The following CA12 variants were observed in gnomAD, a reference collection of about 807,000 sequenced individuals.
The protein encoded by CA12 is carbonic anhydrase 12.
Under a neutral mutation model 46.8 loss-of-function variants are expected in CA12, and 36 were observed. That is an observed-to-expected ratio of 0.77 (90% confidence interval 0.59 to 1.02). The LOEUF (loss-of-function observed/expected upper bound fraction) is 1.02. CA12 is among the 50% of genes least tolerant of loss of function. The probability of loss-of-function intolerance (pLI) is 0.00; values close to 1 mark genes in which losing one functional copy is unlikely to be tolerated. For missense variants in CA12, 436 were observed against 451.4 expected (o/e 0.97, Z 0.31); for synonymous variants, 202 against 187.0 (o/e 1.08, Z -0.65).
chr15:63,355,579 C>G lies in CA12; in HGVS notation c.107-8870G>C, dbSNP rs1348665046. ...AGCGCTGCACTAGACTGTCAGCTCG[C>G]TTTCTGCATGCGTGTACACCTGGCT... On this transcript the variant is annotated intron_variant, in intron 2 of 10. Transcript: ENST00000178638. The surrounding 1 kb of genome is among the most constrained non-coding windows in gnomAD (Gnocchi z 4.1). 6.6e-6 allele frequency among the ~76,000 whole-genome samples: 1 copy of G among 152,246 alleles called. No individual in the cohort carries two copies. The highest frequency in any genetic ancestry group is 1.5e-5 in the Non-Finnish European group (1 of 68,044).
At chr15:63,363,915 C>T (rs1285360180) in intron 2 of CA12, among the ~76,000 whole-genome samples, 2 of 152,174 alleles carry the variant, frequency 1.3e-5, no homozygotes, top group African/African-American at 2.4e-5. Flanking sequence ...TGGCCGGATG[C>T]GGTGGCTCAC....
chr15:63,370,771 T>C (rs2152626319), intron 2 of CA12, among the ~76,000 whole-genome samples: 1 of 145,448 alleles, frequency 6.9e-6, no homozygotes, highest in South Asian at 2.1e-4. Context: ...AGACTCCATC[T>C]CAAAAAAAAA....
At chr15:63,338,707 G>A (rs2039034920) in intron 8 of CA12, 112 bp downstream of exon 8, 2 of 1,424,316 alleles carry the variant, frequency 1.4e-6, no homozygotes, top group East Asian at 4.6e-5. Flanking sequence ...CAGCCAGGGA[G>A]CTCTCAGCCA....
intron 1 of CA12, among the ~76,000 whole-genome samples, chr15:63,376,552 T>TCTTCC (rs2039573080): frequency 6.9e-6 from 1 of 144,762 alleles, no homozygotes; most frequent in Non-Finnish European, 1.5e-5. Context: ...CCACTCTCTT[T>TCTTCC]CTTTCCTTTC....
intron 8 of CA12, among the ~76,000 whole-genome samples, chr15:63,336,543 C>CT (rs71998323): frequency 0.027 from 2,294 of 86,226 alleles, 48 homozygotes; most frequent in Middle Eastern, 0.058. Flanking sequence ...TCCAACCTGG[C>CT]TTTTTTTTTT....
In CA12 at chr15:63,338,862, G is replaced by C; in HGVS notation, c.831C>G (p.Val277=). 4 of 1,614,170 alleles carry C rather than the reference G, an allele frequency of 2.5e-6. No homozygotes were observed. The highest frequency in any genetic ancestry group is 2.2e-5 in the South Asian group (2 of 91,076). ...PREMINNFRQ[V]QKFDERLVYT... The stretch of plus-strand genomic sequence containing the variant: ...ATACCAGCCTCTCATCGAACTTCTG[G>C]ACCTGCCGGAAGTTGTTGATCATTT... The change falls in exon 8 of 11, where the codon GTC becomes GTG. Residue 277 remains valine, a synonymous_variant. Coordinates refer to ENST00000178638, the MANE Select transcript of CA12 (RefSeq NM_001218.5).
rs557603313 is a variant in CA12, at chr15:63,341,129, G to A, written c.526-346C>T. Among the ~76,000 whole-genome samples, 17 of 152,214 alleles carry A rather than the reference G, an allele frequency of 1.1e-4. 1 individual carries two copies. The South Asian group carries it at 3.3e-3, about 30-fold the overall frequency. ...GGAGCTCTGAGTTCACAAAAGCCAC[G>A]TCAGACAAATGAGCATGTTGGGAAA... On this transcript the variant is annotated intron_variant, in intron 5 of 10. Coordinates refer to ENST00000178638, the MANE Select transcript of CA12 (RefSeq NM_001218.5). The surrounding 1 kb of genome is among the most constrained non-coding windows in gnomAD (Gnocchi z 5.2).
chr15:63,327,328 A>G lies in CA12; in HGVS notation c.908-95T>C, dbSNP rs1160342667. ...TGTGAAATCATGGCCCAGCTGCATA[A>G]TCATCCACAGAAAGGAATAATTTCC... is the stretch of plus-strand genomic sequence containing the variant. On this transcript the variant is annotated intron_variant, in intron 9 of 10. Coordinates refer to ENST00000178638, the MANE Select transcript of CA12 (RefSeq NM_001218.5). The surrounding 1 kb of genome is among the most constrained non-coding windows in gnomAD (Gnocchi z 4.5). The G allele has an allele frequency of 1.4e-5, 13 of 904,266 alleles. No homozygotes were observed. The highest frequency in any genetic ancestry group is 2.1e-5 in the Non-Finnish European group (12 of 558,270). 56.0% of individuals were successfully genotyped at this position (904,266 alleles called of 1,614,324 possible).
At chr15:63,334,458 T>A (rs1028064114) in intron 8 of CA12, among the ~76,000 whole-genome samples, 16 of 151,360 alleles carry the variant, frequency 1.1e-4, no homozygotes, top group Non-Finnish European at 1.9e-4. Flanking sequence ...GGTTTCACCA[T>A]GTTGGCCAGG....
rs752504605 is a variant in CA12 at position 63,326,278 on chromosome 15, G to A, written c.*7C>T. ...CTTCCTGGATGTGCCCGGGAGCTCC[G>A]GGGACCTCAAGCGTGGGCCTCAGTC... On this transcript the variant is annotated 3_prime_UTR_variant, in exon 11 of 11. Transcript: ENST00000178638. The A allele has an allele frequency of 2.5e-5, 40 of 1,611,890 alleles. No homozygotes were observed. The highest frequency in any genetic ancestry group is 2.0e-4 in the African/African-American group (15 of 74,834).
At chr15:63,337,883 C>T (rs974825047) in intron 8 of CA12, among the ~76,000 whole-genome samples, 13 of 152,198 alleles carry the variant, frequency 8.5e-5, no homozygotes, top group Non-Finnish European at 1.5e-4. Context: ...TAAATATGAA[C>T]GCCAGGCCCG....
In CA12 at chr15:63,345,498, G is replaced by T; in HGVS notation, c.408C>A (p.Ser136Arg). Residue 136 changes from serine (S) to arginine (R), a missense_variant, in exon 4 of 11, where the codon AGC becomes AGA. Coordinates refer to ENST00000178638, the MANE Select transcript of CA12 (RefSeq NM_001218.5). The surrounding 1 kb of genome is among the most constrained non-coding windows in gnomAD (Gnocchi z 4.3). ...NDPHGSEHTV[S>R]GQHFAAELHI... The stretch of plus-strand genomic sequence containing the variant: ...TTACCTCGGCGGCGAAGTGCTGTCC[G>T]CTGACGGTGTGCTCAGAGCCGTGCG... The T allele has an allele frequency of 6.2e-7, 1 of 1,610,076 alleles. No homozygotes were observed.
chr15:63,350,001 T>G (rs1023009773), intron 2 of CA12, among the ~76,000 whole-genome samples: 6 of 152,224 alleles, frequency 3.9e-5, no homozygotes, highest in Non-Finnish European at 7.3e-5. Flanking sequence ...CTCCTAGCTT[T>G]CTAGCTTACC....
intron 2 of CA12, among the ~76,000 whole-genome samples, chr15:63,367,573 G>A (rs16946934): frequency 0.083 from 12,640 of 152,248 alleles, 941 homozygotes; most frequent in African/African-American, 0.2. Context: ...GGCAGCATGT[G>A]CCACTTGCCC....
chr15:63,355,628 G>A lies in CA12; in HGVS notation c.107-8919C>T, dbSNP rs570263502. On this transcript the variant is annotated intron_variant, in intron 2 of 10. Coordinates refer to ENST00000178638, the MANE Select transcript of CA12 (RefSeq NM_001218.5). This position sits in a 1 kb window ranked among gnomAD's most constrained non-coding sequence, Gnocchi z 4.1. ...CTCCTGCTGCAGAGCCTGGCACACT[G>A]AAGTGTTCAACAAACAGCTCTTGAA... is the stretch of plus-strand genomic sequence containing the variant. 6.8e-4 allele frequency among the ~76,000 whole-genome samples: 103 copies of A among 152,318 alleles called. No homozygotes were observed. The South Asian group carries it at 0.021, about 30-fold the overall frequency.
intron 1 of CA12, among the ~76,000 whole-genome samples, chr15:63,380,695 A>C (rs1250627809): frequency 1.3e-5 from 2 of 152,100 alleles, no homozygotes; most frequent in Non-Finnish European, 2.9e-5. Context: ...GCCCTTCCCC[A>C]TGGGCACTGT....
At chr15:63,381,605 G>T (rs771988455) in intron 1 of CA12, 31 bp downstream of exon 1, 2 of 1,584,782 alleles carry the variant, frequency 1.3e-6, no homozygotes, top group East Asian at 4.5e-5. Flanking sequence ...GCGCTCAGGA[G>T]TGTTAGGAAA....
At position 63,340,787 on chromosome 15, in the gene CA12, C is replaced by T. The variant is rs2039068947; in HGVS notation, c.526-4G>A. 1.2e-6 allele frequency: 2 copies of T among 1,613,914 alleles called. No individual in the cohort carries two copies. On this transcript the variant is annotated splice_region_variant and splice_polypyrimidine_tract_variant and intron_variant, in intron 5 of 10. Transcript: ENST00000178638. This position sits in a 1 kb window ranked among gnomAD's most constrained non-coding sequence, Gnocchi z 4.4. ...AGGACGGATTGAAGGAGCCCATCTGCAACAGAGACAGGGCAGGTTAAACTG... is the reference window on the plus strand; with the variant it reads ...AGGACGGATTGAAGGAGCCCATCTGTAACAGAGACAGGGCAGGTTAAACTG...
chr15:63,357,989 A>G (rs2039314877), intron 2 of CA12, among the ~76,000 whole-genome samples: 1 of 152,216 alleles, frequency 6.6e-6, no homozygotes, highest in South Asian at 2.1e-4. Context: ...ATGTTGTAGC[A>G]TTCCTTCCTA....
Sources: allele counts gnomAD v4.1 joint callset (sites outside exome capture counted in the v4.1 genomes callset), GRCh38; gene constraint gnomAD v4.1.1; non-coding constraint Gnocchi (gnomAD v3.1); transcripts MANE v1.5; gene names NCBI Gene and HGNC (gene_info 2026-07-23, HGNC 2026-07-21).